Variants in ARHGEF12 observed in about 807,000 individuals in gnomAD.
The protein encoded by ARHGEF12 is KMT2A/ARHGEF12 fusion protein.
A neutral mutation model predicts 211.2 loss-of-function variants in ARHGEF12; 66 were observed. The observed-to-expected ratio is 0.31, with a 90% confidence interval of 0.26 to 0.38. The LOEUF is 0.38. Among genes scored for constraint, ARHGEF12 ranks in the 10% least tolerant of loss-of-function variants. ARHGEF12 has a pLI of 1.00. For synonymous variants in ARHGEF12, 592 were observed against 638.4 expected, an observed-to-expected ratio of 0.93 and a Z score of 1.09; for missense variants, 1,429 against 1,869.5, an observed-to-expected ratio of 0.76 and a Z score of 4.34.
chr11:120,475,862 T>A (rs1048417922), intron 33 of ARHGEF12: 1 of 168,044 alleles, frequency 6.0e-6, no homozygotes, highest in Non-Finnish European at 1.3e-5. Flanking sequence ...GTAGTGTTGA[T>A]TAAAAATCAA....
At chr11:120,465,959 T>C (rs938132454) in intron 28 of ARHGEF12, among the ~76,000 whole-genome samples, 5 of 152,238 alleles carry the variant, frequency 3.3e-5, no homozygotes, top group African/African-American at 1.2e-4. Flanking sequence ...AGCATGAGAA[T>C]GGGTTTATCC....
intron 1 of ARHGEF12, among the ~76,000 whole-genome samples, chr11:120,383,837 G>A (rs114592173): frequency 0.011 from 1,668 of 152,148 alleles, 30 homozygotes; most frequent in African/African-American, 0.038. Flanking sequence ...ATAGAGAGGG[G>A]AACAGTGGAA....
intron 1 of ARHGEF12, among the ~76,000 whole-genome samples, chr11:120,392,515 G>A (rs1296438801): frequency 4.6e-5 from 7 of 152,122 alleles, no homozygotes; most frequent in Admixed American, 4.6e-4. Flanking sequence ...GTGTAACTTT[G>A]TATGTACTTG....
intron 4 of ARHGEF12, chr11:120,410,856 T>A (rs1405300860): frequency 6.6e-6 from 1 of 152,224 alleles, no homozygotes; most frequent in Non-Finnish European, 1.5e-5. Context: ...TATATTTCTG[T>A]TCTATATAAA....
chr11:120,451,573 T>A lies in ARHGEF12; in HGVS notation c.1905T>A (p.Ser635=). ...RHPKHLSTPS[S]VSPEPQDSAK... is the part of the protein sequence containing the mutation. ...CTAAGCACTTATCCACACCCTCATCTGTGAGTCCTGAACCTCAGGACTCTG... is the reference window on the plus strand; with the variant it reads ...CTAAGCACTTATCCACACCCTCATCAGTGAGTCCTGAACCTCAGGACTCTG... Residue 635 remains serine, a synonymous_variant, in exon 22 of 41, where the codon TCT becomes TCA. Coordinates refer to ENST00000397843, the MANE Select transcript of ARHGEF12 (RefSeq NM_015313.3). 6.2e-7 allele frequency: 1 copy of A among 1,614,192 alleles called. No individual in the cohort carries two copies.
intron 39 of ARHGEF12, among the ~76,000 whole-genome samples, chr11:120,483,501 G>A (rs1380130148): frequency 6.6e-5 from 10 of 151,500 alleles, no homozygotes; most frequent in Admixed American, 1.3e-4. Context: ...TCGGCTCACC[G>A]CAACCTCCGC....
At chr11:120,476,606 C>T in intron 33 of ARHGEF12, 55 bp from the exon 34 acceptor site, 1 of 1,331,662 alleles carries the variant, frequency 7.5e-7, no homozygotes, top group South Asian at 1.4e-5. Flanking sequence ...TAAAAACATC[C>T]CTCATGGCCT....
intron 18 of ARHGEF12, 68 bp downstream of exon 18, chr11:120,447,153 T>C (rs1565488640): frequency 4.6e-6 from 7 of 1,510,072 alleles, no homozygotes; most frequent in Non-Finnish European, 4.5e-6. Flanking sequence ...GAAGTGTCCT[T>C]TGGGTAGGTT....
intron 4 of ARHGEF12, among the ~76,000 whole-genome samples, chr11:120,415,510 A>T (rs1374980771): frequency 6.6e-6 from 1 of 152,230 alleles, no homozygotes; most frequent in Non-Finnish European, 1.5e-5. Flanking sequence ...TAGTACAAAG[A>T]TATGATAATG....
At chr11:120,416,801 G>A (rs1027833049) in intron 4 of ARHGEF12, among the ~76,000 whole-genome samples, 7 of 151,986 alleles carry the variant, frequency 4.6e-5, no homozygotes, top group African/African-American at 1.2e-4. Flanking sequence ...ACAGGCACGC[G>A]CCACCACGCA....
chr11:120,475,196 A>C, intron 32 of ARHGEF12, 144 bp from the exon 33 acceptor site: 1 of 708,042 alleles, frequency 1.4e-6, no homozygotes, highest in South Asian at 2.2e-5. Context: ...CTGAAAATGA[A>C]ATTTTAAAAG....
chr11:120,354,852 G>A (rs781483452), intron 1 of ARHGEF12, among the ~76,000 whole-genome samples: 13 of 152,182 alleles, frequency 8.5e-5, no homozygotes, highest in Non-Finnish European at 1.6e-4. Context: ...CGAAGGAGTC[G>A]TATAGATGTG....
chr11:120,345,097 GTTC>G (rs1942663031), intron 1 of ARHGEF12, among the ~76,000 whole-genome samples: 1 of 152,070 alleles, frequency 6.6e-6, no homozygotes, highest in Non-Finnish European at 1.5e-5. Context: ...TTTTGCTGTT[GTTC>G]TTCTGTTTTG....
chr11:120,447,600 G>A (rs571384867), intron 18 of ARHGEF12, among the ~76,000 whole-genome samples: 6 of 151,694 alleles, frequency 4.0e-5, no homozygotes, highest in East Asian at 1.9e-4. Flanking sequence ...GGCGGATTAC[G>A]TAAGGCCAAG....
intron 15 of ARHGEF12, among the ~76,000 whole-genome samples, chr11:120,442,926 G>A (rs148497080): frequency 6.6e-6 from 1 of 151,510 alleles, no homozygotes; most frequent in Non-Finnish European, 1.5e-5. Context: ...GAAATTTAAA[G>A]TATATAGAAG....
chr11:120,485,137 C>G lies in ARHGEF12; in HGVS notation c.*60C>G, dbSNP rs189682619. ...GATTTGGAGTATCGGCCGTGTCTCA[C>G]CACATCCTGGCTCCAGTGTGGATGC... is the stretch of plus-strand genomic sequence containing the variant. On this transcript the variant is annotated 3_prime_UTR_variant, in exon 41 of 41. Transcript: ENST00000397843. The G allele has an allele frequency of 4.1e-5, 65 of 1,602,820 alleles. No individual in the cohort carries two copies. In the African/African-American group the frequency reaches 7.5e-4, roughly 18 times the overall value.
chr11:120,416,671 T>C (rs984290285), intron 4 of ARHGEF12, among the ~76,000 whole-genome samples: 4 of 152,204 alleles, frequency 2.6e-5, no homozygotes, highest in Non-Finnish European at 4.4e-5. Flanking sequence ...CTCTTTTTTT[T>C]TTGAGATGGA....
chr11:120,485,088 C>G lies in ARHGEF12; in HGVS notation c.*11C>G. 3 of 1,613,522 alleles carry G rather than the reference C, an allele frequency of 1.9e-6. No individual in the cohort carries two copies. Among genetic ancestry groups the G allele is most frequent in the Non-Finnish European group, 2.5e-6 (3 of 1,179,774 alleles). On this transcript the variant is annotated 3_prime_UTR_variant, in exon 41 of 41. Coordinates refer to ENST00000397843, the MANE Select transcript of ARHGEF12 (RefSeq NM_015313.3). ...TCAGATAAAAGTTAGAGCCGCATGT[C>G]CTGGAGGTGACTGCAGGTTGTTGGA...
At chr11:120,439,226 C>A (rs1228102251) in intron 12 of ARHGEF12, 2 of 152,132 alleles carry the variant, frequency 1.3e-5, no homozygotes, top group Non-Finnish European at 2.9e-5. Flanking sequence ...TGTGAGTTGA[C>A]AAATGGAGGA....
Sources: gnomAD v4.1 joint callset for allele counts (sites outside exome capture counted in the v4.1 genomes callset) on GRCh38, gnomAD v4.1.1 for gene constraint, MANE v1.5 for transcripts, NCBI Gene and HGNC (gene_info 2026-07-23, HGNC 2026-07-21) for gene names.